The following DNAH11 variants were observed in gnomAD, a reference collection of about 807,000 sequenced individuals.
DNAH11 encodes the protein axonemal beta dynein heavy chain 11.
In DNAH11, 442 loss-of-function variants were observed where a neutral mutation model predicts 526.0. The observed-to-expected ratio is 0.84, with a 90% confidence interval of 0.78 to 0.91. The LOEUF (loss-of-function observed/expected upper bound fraction) is 0.91, where lower values mean the gene tolerates loss of function less well. Ranked by LOEUF, DNAH11 falls within the 40% of genes least tolerant of loss-of-function variation. The pLI, the probability that DNAH11 is intolerant of heterozygous loss-of-function variation, is 0.00. For missense variants in DNAH11, 6,989 were observed against 5,448.7 expected (o/e 1.28, Z -8.90); for synonymous variants, 2,461 against 1,935.9 (o/e 1.27, Z -7.12).
chr7:21,857,557 G>A (rs1782900439), intron 68 of DNAH11, among the ~76,000 whole-genome samples: 1 of 151,860 alleles, frequency 6.6e-6, no homozygotes, highest in South Asian at 2.1e-4. Context: ...AGGGTTGGAA[G>A]ACTTACAATT....
At chr7:21,626,377 A>C (rs1018003640) in intron 25 of DNAH11, among the ~76,000 whole-genome samples, 1 of 152,198 alleles carries the variant, frequency 6.6e-6, no homozygotes, top group Non-Finnish European at 1.5e-5. Flanking sequence ...ACTTAGGTCA[A>C]TTCTGTATTT....
chr7:21,761,428 CTG>C (rs753163065), intron 54 of DNAH11, among the ~76,000 whole-genome samples: 1 of 152,174 alleles, frequency 6.6e-6, no homozygotes, highest in Non-Finnish European at 1.5e-5. Flanking sequence ...TCATCTTACT[CTG>C]TGTGTAGAGA....
chr7:21,691,282 C>T (rs1382324904), intron 35 of DNAH11, among the ~76,000 whole-genome samples: 2 of 151,274 alleles, frequency 1.3e-5, no homozygotes, highest in African/African-American at 4.9e-5. Flanking sequence ...CATTTTTGCT[C>T]CTCCTGACCT....
At chr7:21,658,533 T>G (rs895288456) in intron 29 of DNAH11, among the ~76,000 whole-genome samples, 3 of 152,154 alleles carry the variant, frequency 2.0e-5, no homozygotes, top group African/African-American at 4.8e-5. Context: ...CTTTTCTGTT[T>G]AGGCTGTGGA....
Position 21,720,768 on chromosome 7 carries a change from T to G in DNAH11, c.7178T>G (p.Val2393Gly), listed in dbSNP as rs1784844229. Residue 2393 changes from valine (V) to glycine (G), a missense_variant, in exon 44 of 82, where the codon GTA (valine) becomes GGA (glycine). By Grantham distance (109) the Val-to-Gly change is moderately radical. Transcript: ENST00000409508. The stretch of plus-strand genomic sequence containing the variant: ...GAGTGCTTGCTGACTCCTGAAAATG[T>G]ACCTTCTGACAGCCCAAAAGAAGTT... ...LLECLLTPEN[V>G]PSDSPKEVYE... The G allele has an allele frequency of 1.3e-6, 2 of 1,598,612 alleles. No individual in the cohort carries two copies. The highest frequency in any genetic ancestry group is 2.3e-5 in the South Asian group (2 of 88,524).
At chr7:21,870,049 C>G (rs369184480) in intron 73 of DNAH11, among the ~76,000 whole-genome samples, 10 of 152,282 alleles carry the variant, frequency 6.6e-5, no homozygotes, top group East Asian at 3.9e-4. Flanking sequence ...CACAGGCTGC[C>G]TTATCTGGAA....
chr7:21,662,695 A>C (rs1378101499), intron 30 of DNAH11, among the ~76,000 whole-genome samples: 1 of 152,014 alleles, frequency 6.6e-6, no homozygotes, highest in Non-Finnish European at 1.5e-5. Flanking sequence ...TGTACAATAG[A>C]CCTCTTGAAC....
intron 65 of DNAH11, among the ~76,000 whole-genome samples, chr7:21,823,828 A>G (rs1448192696): frequency 3.9e-5 from 6 of 152,214 alleles, no homozygotes; most frequent in African/African-American, 1.4e-4. Context: ...TGAGTTGACA[A>G]AAAGAAAAAG....
In DNAH11 at chr7:21,893,677, A is replaced by C. The variant is rs149984811; in HGVS notation, c.12751-946A>C. 3.4e-3 allele frequency among the ~76,000 whole-genome samples: 518 copies of C among 152,344 alleles called. 6 individuals carry two copies. The highest frequency in any genetic ancestry group is 0.012 in the African/African-American group (494 of 41,572). On this transcript the variant is annotated intron_variant, in intron 77 of 81. Coordinates refer to ENST00000409508, the MANE Select transcript of DNAH11 (RefSeq NM_001277115.2). The stretch of plus-strand genomic sequence containing the variant: ...AGCTGTCTACATAGAATTAGTATGC[A>C]TGTCTGAGTACCATGTGCATACTCA...
At chr7:21,648,376 T>G (rs1266958027) in intron 28 of DNAH11, among the ~76,000 whole-genome samples, 1 of 152,234 alleles carries the variant, frequency 6.6e-6, no homozygotes, top group Admixed American at 6.5e-5. Flanking sequence ...ATGACTTGTT[T>G]TGGCCACTGT....
chr7:21,853,934 A>G (rs1250048850), intron 67 of DNAH11, among the ~76,000 whole-genome samples: 1 of 152,182 alleles, frequency 6.6e-6, no homozygotes, highest in Non-Finnish European at 1.5e-5. Flanking sequence ...AGTTATTGGC[A>G]TTGAATTGAC....
In DNAH11 at chr7:21,748,645, G is replaced by T. The variant is rs745983382; in HGVS notation, c.8576G>T (p.Ser2859Ile). 1.9e-6 allele frequency: 3 copies of T among 1,613,350 alleles called. No homozygotes were observed. The highest frequency in any genetic ancestry group is 1.1e-5 in the South Asian group (1 of 90,980). ...GCALLVGVGGSGKQSLSRLAA... is the reference protein window; with the variant it reads ...GCALLVGVGGIGKQSLSRLAA... ...GCTCTCTTGGTTGGAGTTGGGGGCA[G>T]TGGCAAGCAGAGCTTGTCCAGGCTG... Residue 2859 changes from serine to isoleucine, a missense_variant, in exon 52 of 82, where the codon AGT (serine) becomes ATT (isoleucine). By Grantham distance (142) the Ser-to-Ile change is moderately radical (BLOSUM62 -2). Transcript: ENST00000409508.
intron 25 of DNAH11, among the ~76,000 whole-genome samples, chr7:21,634,486 G>T (rs572773886): frequency 6.6e-6 from 1 of 152,310 alleles, no homozygotes; most frequent in African/African-American, 2.4e-5. Flanking sequence ...AATACCTAGA[G>T]TAGAGAAAAA....
chr7:21,846,128 C>T (rs578170459), intron 66 of DNAH11, among the ~76,000 whole-genome samples: 1 of 152,262 alleles, frequency 6.6e-6, no homozygotes, highest in African/African-American at 2.4e-5. Context: ...AGAGGCCTTA[C>T]GTTCATACTT....
At chr7:21,791,606 C>G (rs1270513255) in intron 61 of DNAH11, among the ~76,000 whole-genome samples, 2 of 152,158 alleles carry the variant, frequency 1.3e-5, no homozygotes, top group African/African-American at 4.8e-5. Context: ...TAAGAGCTCC[C>G]CCATCTACTT....
At chr7:21,675,454 C>T (rs1782835527) in intron 30 of DNAH11, among the ~76,000 whole-genome samples, 1 of 152,208 alleles carries the variant, frequency 6.6e-6, no homozygotes, top group Non-Finnish European at 1.5e-5. Flanking sequence ...TCTAAAGTGC[C>T]TTTCTAATCC....
At chr7:21,711,268 G>A (rs1056259736) in intron 41 of DNAH11, among the ~76,000 whole-genome samples, 1 of 152,154 alleles carries the variant, frequency 6.6e-6, no homozygotes, top group Non-Finnish European at 1.5e-5. Flanking sequence ...AGAAGATTTA[G>A]TAACCACCTT....
chr7:21,697,974 G>A (rs1303620186), intron 35 of DNAH11, 101 bp from the exon 36 acceptor site: 1 of 1,233,466 alleles, frequency 8.1e-7, no homozygotes, highest in Non-Finnish European at 1.1e-6. Context: ...GATCTGCTTA[G>A]GAATGGTTAA....
intron 45 of DNAH11, among the ~76,000 whole-genome samples, chr7:21,733,093 A>C (rs1384133107): frequency 6.6e-6 from 1 of 152,220 alleles, no homozygotes; most frequent in Non-Finnish European, 1.5e-5. Context: ...CCAGCAAAGA[A>C]GAAGCAGGGA....
Sources: allele counts gnomAD v4.1 joint callset (sites outside exome capture counted in the v4.1 genomes callset), GRCh38; gene constraint gnomAD v4.1.1; transcripts MANE v1.5; gene names NCBI Gene and HGNC (gene_info 2026-07-23, HGNC 2026-07-21).